Variants in PIEZO1 observed in about 807,000 individuals in gnomAD.
PIEZO1 encodes piezo-type mechanosensitive ion channel component 1.
PIEZO1 carries 296 observed loss-of-function variants against 297.2 expected under a neutral mutation model. The observed-to-expected ratio is 1.00, with a 90% CI of 0.91 to 1.10. The LOEUF is 1.10. Ranked by LOEUF, PIEZO1 falls within the 50% of genes least tolerant of loss-of-function variation. The probability of loss-of-function intolerance (pLI) is 0.00; values close to 1 mark genes in which losing one functional copy is unlikely to be tolerated. For missense variants in PIEZO1, 5,018 were observed against 3,455.5 expected, an observed-to-expected ratio of 1.45 and a Z score of -11.34; for synonymous variants, 2,427 against 1,507.5, an observed-to-expected ratio of 1.61 and a Z score of -14.13.
At chr16:88,766,102 T>C (rs948631244) in intron 1 of PIEZO1, among the ~76,000 whole-genome samples, 2 of 152,076 alleles carry the variant, frequency 1.3e-5, no homozygotes, top group Non-Finnish European at 2.9e-5. Flanking sequence ...GGGTGGGGTG[T>C]GAGGGTTGAT....
At chr16:88,732,196 G>T (rs1282640135) in intron 21 of PIEZO1, 139 bp downstream of exon 21, 4 of 696,850 alleles carry the variant, frequency 5.7e-6, no homozygotes, top group Non-Finnish European at 9.7e-6. Context: ...GGGAAGCCGT[G>T]CCTGGCCCTG....
intron 30 of PIEZO1, 144 bp downstream of exon 30, chr16:88,724,865 C>A (rs915143860): frequency 1.8e-6 from 1 of 553,882 alleles, no homozygotes; most frequent in Non-Finnish European, 3.1e-6. Context: ...TGAGGCACCC[C>A]CCGACCCAGG....
At chr16:88,778,627 A>T (rs1331456708) in intron 1 of PIEZO1, among the ~76,000 whole-genome samples, 1 of 152,174 alleles carries the variant, frequency 6.6e-6, no homozygotes, top group Non-Finnish European at 1.5e-5. Context: ...CAGAGCCGGC[A>T]CCCGGGACGG....
intron 1 of PIEZO1, among the ~76,000 whole-genome samples, chr16:88,762,303 A>G (rs1906969421): frequency 6.6e-6 from 1 of 152,134 alleles, no homozygotes; most frequent in African/African-American, 2.4e-5. Context: ...GCGGTGACAA[A>G]GTAAGACCTC....
Position 88,723,090 on chromosome 16 carries a change from C to G in PIEZO1, c.4495+5G>C, listed in dbSNP as rs566671265. 5 of 1,547,230 alleles carry G rather than the reference C, an allele frequency of 3.2e-6. No homozygotes were observed. The highest frequency in any genetic ancestry group is 1.4e-5 in the African/African-American group (1 of 72,878). On this transcript the variant is annotated splice_donor_5th_base_variant and intron_variant, in intron 33 of 50. Transcript: ENST00000301015. ...CTCCCACTCCCCAGCCCCGGGCCCA[C>G]GTACCTGCCGCTGCCTCCTCGGGGC...
chr16:88,716,203 T>A lies in PIEZO1; in HGVS notation c.7124A>T (p.Gln2375Leu). The A allele has an allele frequency of 6.7e-7, 1 of 1,499,880 alleles. No individual in the cohort carries two copies. Among genetic ancestry groups the A allele is most frequent in the Non-Finnish European group, 8.9e-7 (1 of 1,118,940 alleles). 92.9% of individuals were successfully genotyped at this position (1,499,880 alleles called of 1,614,324 possible). The change falls in exon 49 of 51, where the codon CAG becomes CTG. Residue 2375 changes from glutamine to leucine, a missense_variant. By Grantham distance (113) the Gln-to-Leu change is moderately radical. Coordinates refer to ENST00000301015, the MANE Select transcript of PIEZO1 (RefSeq NM_001142864.4). ...ACCCCCACGCCCATACTCACTGGGC[T>A]GCAGCTGCTTCACAGGGTTGGCTTC... ...GPEANPVKQL[Q>L]PNEEADYLGV...
intron 10 of PIEZO1, 85 bp downstream of exon 10, chr16:88,737,474 G>C: frequency 5.4e-6 from 5 of 920,168 alleles, no homozygotes; most frequent in Non-Finnish European, 6.4e-6. Context: ...GAGCATGCGA[G>C]AGCGCCAGGC....
Position 88,721,142 on chromosome 16 carries a change from G to A in PIEZO1, c.5668+24C>T, listed in dbSNP as rs531664430. The A allele has an allele frequency of 1.2e-5, 18 of 1,467,168 alleles. No homozygotes were observed. In the South Asian group the frequency reaches 2.4e-4, roughly 20 times the overall value. The allele number at this position is 1,467,168 out of a possible 1,614,324, so 90.9% of individuals were successfully genotyped here. On this transcript the variant is annotated intron_variant, in intron 39 of 50. Coordinates refer to ENST00000301015, the MANE Select transcript of PIEZO1 (RefSeq NM_001142864.4). ...CACTCAGAAAACTGGGTAGGCAGGA[G>A]GTTGTGAGGCAGGGCGCTTATACCG...
At chr16:88,735,711 C>T (rs2879905) in intron 12 of PIEZO1, among the ~76,000 whole-genome samples, 33,441 of 152,296 alleles carry the variant, frequency 0.22, 4,233 homozygotes, top group East Asian at 0.59. Context: ...CACATGGACA[C>T]GCAGGCACCC....
intron 1 of PIEZO1, among the ~76,000 whole-genome samples, chr16:88,770,885 T>A (rs1475365343): frequency 6.6e-6 from 1 of 152,178 alleles, no homozygotes. Context: ...CCCTGGGGGC[T>A]TGGGCGAGGA....
rs1180366933 is a variant in PIEZO1, at chr16:88,715,731, G to C, written c.7440C>G (p.Leu2480=). The C allele has an allele frequency of 1.3e-6, 2 of 1,550,494 alleles. No individual in the cohort carries two copies. The highest frequency in any genetic ancestry group is 2.4e-5 in the East Asian group (1 of 40,920). ...CCCGCACCAGGAAGATGTCCTGGCA[G>C]AGCTTGAGGATGCGGTCCACGCACG... The part of the protein sequence containing the change: ...ELPCVDRILK[L]CQDIFLVRET... The change falls in exon 51 of 51, where the codon CTC becomes CTG. Residue 2480 remains leucine, a synonymous_variant. Coordinates refer to ENST00000301015, the MANE Select transcript of PIEZO1 (RefSeq NM_001142864.4).
intron 27 of PIEZO1, 72 bp downstream of exon 27, chr16:88,726,212 G>C (rs1425384307): frequency 2.3e-6 from 3 of 1,327,672 alleles, no homozygotes; most frequent in African/African-American, 1.5e-5. Flanking sequence ...GCCTGAGACA[G>C]TGAGGAACCT....
Position 88,720,134 on chromosome 16 carries a change from G to C in PIEZO1, c.6099C>G (p.Phe2033Leu). 6.4e-7 allele frequency: 1 copy of C among 1,550,432 alleles called. No homozygotes were observed. Among genetic ancestry groups the C allele is most frequent in the Non-Finnish European group, 8.7e-7 (1 of 1,146,978 alleles). ...GGATGGCCAGCACCAGCGCCACCTG[G>C]AAGGCCAGCTTGCCCAGCACGGTCT... ...LRKTVLGKLA[F>L]QVALVLAIHL... The change falls in exon 42 of 51, where the codon TTC (phenylalanine) becomes TTG (leucine). Residue 2033 changes from phenylalanine to leucine, a missense_variant. Coordinates refer to ENST00000301015, the MANE Select transcript of PIEZO1 (RefSeq NM_001142864.4).
At chr16:88,755,812 G>A (rs1906627033) in intron 1 of PIEZO1, among the ~76,000 whole-genome samples, 1 of 152,238 alleles carries the variant, frequency 6.6e-6, no homozygotes, top group African/African-American at 2.4e-5. Flanking sequence ...CTCGGGCGGT[G>A]GACAGGTGGG....
At position 88,715,361 on chromosome 16, in the gene PIEZO1, A is replaced by AAAAC. The variant is rs72190263; in HGVS notation, c.*240_*243dup. 9.8e-4 allele frequency: 1,212 copies of AAAAC among 1,240,342 alleles called. 9 individuals are homozygous for AAAAC. The African/African-American group carries it at 0.011, about 12-fold the overall frequency. 76.8% of individuals were successfully genotyped at this position (1,240,342 alleles called of 1,614,324 possible). On this transcript the variant is annotated 3_prime_UTR_variant, in exon 51 of 51. Transcript: ENST00000301015. ...CCTCTGATTGTCCATTTGTATAAAT[A>AAAAC]AAACATTTTTTAATTAAAAAAAAAA...
chr16:88,725,556 G>A (rs148469451), intron 28 of PIEZO1, 37 bp from the exon 29 acceptor site: 2 of 1,535,438 alleles, frequency 1.3e-6, no homozygotes, highest in African/African-American at 2.8e-5. Flanking sequence ...TGAGCATTGG[G>A]GGGAGGAGCC....
At position 88,734,371 on chromosome 16, in the gene PIEZO1, G is replaced by A. The variant is rs1223247493; in HGVS notation, c.2165C>T (p.Pro722Leu). Reference protein sequence around the residue: ...EHVSLPGTRLPRWAHRQDAVS... With the variant: ...EHVSLPGTRLLRWAHRQDAVS... ...GGGGCCGCACCTGTGAGCCCAGCGCGGGAGGCGCGTGCCAGGCAGGGACAC... is the reference window on the plus strand; with the variant it reads ...GGGGCCGCACCTGTGAGCCCAGCGCAGGAGGCGCGTGCCAGGCAGGGACAC... Residue 722 changes from proline (P) to leucine (L), a missense_variant, in exon 16 of 51, where the codon CCG becomes CTG. Physicochemically the swap from Pro to Leu is moderately conservative, Grantham distance 98. Coordinates refer to ENST00000301015, the MANE Select transcript of PIEZO1 (RefSeq NM_001142864.4). 21 of 1,540,274 alleles carry A rather than the reference G, an allele frequency of 1.4e-5. No individual in the cohort carries two copies. The highest frequency in any genetic ancestry group is 8.5e-5 in the South Asian group (7 of 82,588).
At position 88,721,401 on chromosome 16, in the gene PIEZO1, GTCC is replaced by G; in HGVS notation, c.5430_5432del (p.Glu1810del). 13 of 1,549,780 alleles carry G rather than the reference GTCC, an allele frequency of 8.4e-6. No individual in the cohort carries two copies. Among genetic ancestry groups the G allele is most frequent in the Non-Finnish European group, 1.1e-5 (13 of 1,146,720 alleles). On this transcript the variant is annotated inframe_deletion, in exon 39 of 51. Transcript: ENST00000301015. ...TCTTGTCATGCTCCTTGGATGGTGAGTCCTCCTCATGGTCCCAGAGGCCATAGC... is the reference window on the plus strand; with the variant it reads ...TCTTGTCATGCTCCTTGGATGGTGAGTCCTCATGGTCCCAGAGGCCATAGC...
At chr16:88,754,291 G>A (rs1194076558) in intron 1 of PIEZO1, among the ~76,000 whole-genome samples, 1 of 152,158 alleles carries the variant, frequency 6.6e-6, no homozygotes, top group Non-Finnish European at 1.5e-5. Flanking sequence ...CTTTCAGTGG[G>A]TGCTGGCCAG....
Sources: gnomAD v4.1 joint callset for allele counts (sites outside exome capture counted in the v4.1 genomes callset) on GRCh38, gnomAD v4.1.1 for gene constraint, MANE v1.5 for transcripts, NCBI Gene and HGNC (gene_info 2026-07-23, HGNC 2026-07-21) for gene names.